FSTL5: variants seen among roughly 807,000 people sequenced by gnomAD.
FSTL5 encodes the protein follistatin like 5.
Under a neutral mutation model 89.1 loss-of-function variants are expected in FSTL5, and 62 were observed. The observed-to-expected ratio is 0.70, with a 90% CI of 0.57 to 0.86. The LOEUF (loss-of-function observed/expected upper bound fraction) is 0.86, where lower values mean the gene tolerates loss of function less well. Among genes scored for constraint, FSTL5 ranks in the 40% least tolerant of loss-of-function variants. The pLI is 0.00. For synonymous variants in FSTL5, 383 were observed against 346.2 expected, an observed-to-expected ratio of 1.11 and a Z score of -1.18; for missense variants, 1,057 against 1,001.6, an observed-to-expected ratio of 1.06 and a Z score of -0.75.
Position 161,743,246 on chromosome 4 carries a change from G to A in FSTL5, c.727+16165C>T, listed in dbSNP as rs72977138. Among the ~76,000 whole-genome samples the A allele has an allele frequency of 8.5e-3, 1,291 of 152,128 alleles. 16 individuals carry two copies. Among genetic ancestry groups the A allele is most frequent in the African/African-American group, 0.029 (1,194 of 41,502 alleles). On this transcript the variant is annotated intron_variant, in intron 6 of 15. Coordinates refer to ENST00000306100, the MANE Select transcript of FSTL5 (RefSeq NM_020116.5). ...TTTAAGGGTTTTGTTTTTGGTTTTG[G>A]AGGCAAATGGATATTCAGTTTTCCC...
intron 2 of FSTL5, among the ~76,000 whole-genome samples, chr4:162,081,403 C>G (rs777563561): frequency 6.6e-5 from 10 of 151,544 alleles, no homozygotes; most frequent in Non-Finnish European, 1.2e-4. Flanking sequence ...TATTTCTGGC[C>G]TGGCACTTCG....
intron 4 of FSTL5, among the ~76,000 whole-genome samples, chr4:161,887,416 TATCTATCTATC>T (rs138030413): frequency 0.46 from 51,813 of 111,668 alleles, 9,301 homozygotes; most frequent in Middle Eastern, 0.6. Context: ...TCTATCTATC[TATCTATCTATC>T]ATCTATCTAC....
intron 4 of FSTL5, among the ~76,000 whole-genome samples, chr4:161,843,902 A>G (rs1003928679): frequency 2.0e-5 from 3 of 152,202 alleles, no homozygotes; most frequent in African/African-American, 7.2e-5. Flanking sequence ...CTTCATGACT[A>G]AAACACCAAA....
intron 1 of FSTL5, among the ~76,000 whole-genome samples, chr4:162,161,791 GAAAAT>G (rs1733706545): frequency 6.6e-6 from 1 of 151,590 alleles, no homozygotes; most frequent in Non-Finnish European, 1.5e-5. Context: ...AAATAAAATT[GAAAAT>G]AAAATAAGCC....
intron 15 of FSTL5, among the ~76,000 whole-genome samples, chr4:161,450,926 A>G (rs993547408): frequency 6.6e-6 from 1 of 151,828 alleles, no homozygotes; most frequent in East Asian, 1.9e-4. Flanking sequence ...ATGCATTTTC[A>G]GTAGAGACGA....
intron 10 of FSTL5, among the ~76,000 whole-genome samples, chr4:161,511,965 GA>G: frequency 6.6e-6 from 1 of 151,786 alleles, no homozygotes; most frequent in East Asian, 1.9e-4. Flanking sequence ...CATACATGAG[GA>G]AAAAAGAAAA....
chr4:161,612,757 T>C (rs1734695226), intron 7 of FSTL5, among the ~76,000 whole-genome samples: 1 of 152,158 alleles, frequency 6.6e-6, no homozygotes. Context: ...TTGGGAGTTG[T>C]AGAGAACAGT....
intron 3 of FSTL5, among the ~76,000 whole-genome samples, chr4:161,945,527 T>C (rs1019794882): frequency 2.0e-5 from 3 of 152,070 alleles, no homozygotes; most frequent in Non-Finnish European, 4.4e-5. Flanking sequence ...GCTGAGGCAG[T>C]TGGATCACGA....
At chr4:162,013,326 G>A (rs1282300964) in intron 3 of FSTL5, among the ~76,000 whole-genome samples, 1 of 152,152 alleles carries the variant, frequency 6.6e-6, no homozygotes, top group Non-Finnish European at 1.5e-5. Context: ...AGATTAGATG[G>A]AGGAACTTTC....
At chr4:161,662,933 G>T (rs991587105) in intron 6 of FSTL5, among the ~76,000 whole-genome samples, 1 of 152,136 alleles carries the variant, frequency 6.6e-6, no homozygotes, top group African/African-American at 2.4e-5. Context: ...ATCACGGCAG[G>T]AGGTGAAAGG....
At chr4:161,997,594 A>T (rs940852405) in intron 3 of FSTL5, among the ~76,000 whole-genome samples, 2 of 133,314 alleles carry the variant, frequency 1.5e-5, no homozygotes, top group African/African-American at 5.5e-5. Flanking sequence ...AAGTGTATAC[A>T]TGTTATCTTT....
intron 2 of FSTL5, among the ~76,000 whole-genome samples, chr4:162,046,214 C>T (rs1185173914): frequency 1.3e-5 from 2 of 152,058 alleles, no homozygotes; most frequent in African/African-American, 4.8e-5. Context: ...GATGTCTGAC[C>T]TCTGAAGTTC....
chr4:161,461,690 A>C (rs1733589833), intron 13 of FSTL5, among the ~76,000 whole-genome samples: 1 of 152,062 alleles, frequency 6.6e-6, no homozygotes, highest in Non-Finnish European at 1.5e-5. Context: ...GTTTCATTTA[A>C]ATTTTTTCAT....
chr4:161,550,835 T>C (rs1490260228), intron 8 of FSTL5, among the ~76,000 whole-genome samples: 1 of 151,920 alleles, frequency 6.6e-6, no homozygotes, highest in Non-Finnish European at 1.5e-5. Context: ...TATGCGGTGT[T>C]TGGTTTTTTG....
intron 3 of FSTL5, among the ~76,000 whole-genome samples, chr4:162,000,008 T>C (rs1206675755): frequency 6.6e-6 from 1 of 152,164 alleles, no homozygotes; most frequent in African/African-American, 2.4e-5. Context: ...TGACTGAAGA[T>C]TGAAATTGAT....
intron 3 of FSTL5, among the ~76,000 whole-genome samples, chr4:161,991,442 A>C (rs915808662): frequency 2.0e-5 from 3 of 152,132 alleles, no homozygotes; most frequent in Non-Finnish European, 4.4e-5. Flanking sequence ...CTAACATTTT[A>C]AGATATAAAT....
chr4:161,721,809 A>G (rs1223276692), intron 6 of FSTL5, among the ~76,000 whole-genome samples: 2 of 152,270 alleles, frequency 1.3e-5, no homozygotes, highest in Non-Finnish European at 2.9e-5. Context: ...TTTACTTAAT[A>G]GAAATTCTTC....
chr4:161,934,478 T>C (rs1250662554), intron 3 of FSTL5, among the ~76,000 whole-genome samples: 1 of 152,130 alleles, frequency 6.6e-6, no homozygotes, highest in Non-Finnish European at 1.5e-5. Flanking sequence ...CCCTCAGTCA[T>C]GAAATAACTC....
intron 4 of FSTL5, among the ~76,000 whole-genome samples, chr4:161,806,544 T>C (rs1343048634): frequency 6.6e-6 from 1 of 152,146 alleles, no homozygotes; most frequent in African/African-American, 2.4e-5. Context: ...GATATAGCAA[T>C]AAGCAAGTCA....
Sources: allele counts gnomAD v4.1 joint callset (sites outside exome capture counted in the v4.1 genomes callset), GRCh38; gene constraint gnomAD v4.1.1; transcripts MANE v1.5; gene names NCBI Gene and HGNC (gene_info 2026-07-23, HGNC 2026-07-21).